The following COL25A1 variants were observed in gnomAD, a reference collection of about 807,000 sequenced individuals.
COL25A1 encodes collagen type XXV alpha 1 chain, also known as collagen alpha-1(XXV) chain.
In COL25A1, 103 loss-of-function variants were observed where a neutral mutation model predicts 128.4. The ratio of observed to expected loss-of-function variants is 0.80; its 90% CI spans 0.68 to 0.94. The LOEUF is 0.94. Ranked by LOEUF, COL25A1 falls within the 40% of genes least tolerant of loss-of-function variation. The probability of loss-of-function intolerance (pLI) is 0.00; values close to 1 mark genes in which losing one functional copy is unlikely to be tolerated. For missense variants in COL25A1, 745 were observed against 840.0 expected (o/e 0.89, Z 1.40); for synonymous variants, 279 against 277.2 (o/e 1.01, Z -0.06).
At chr4:109,224,367 A>T (rs1778635393) in intron 3 of COL25A1, among the ~76,000 whole-genome samples, 1 of 152,324 alleles carries the variant, frequency 6.6e-6, no homozygotes. Flanking sequence ...GAGGTCCTTT[A>T]AGTGACTGCA....
At position 109,302,370 on chromosome 4, in the gene COL25A1, G is replaced by T. The variant is rs564587175; in HGVS notation, c.-258C>A. 1.3e-5 allele frequency: 3 copies of T among 239,546 alleles called. No homozygotes were observed. The Admixed American group carries it at 1.6e-4, about 13-fold the overall frequency. The allele number at this position is 239,546 out of a possible 1,614,324, so 14.8% of individuals were successfully genotyped here. A position where few individuals can be genotyped will look rare whatever the true frequency, so the allele number is the denominator to read the frequency against. ...GAGGGCCCCAACAGTGGCCGCTCAG[G>T]GTCCGAGGGCAACGGCCGAGGCGCC... On this transcript the variant is annotated 5_prime_UTR_variant, in exon 1 of 38. Coordinates refer to ENST00000399132, the MANE Select transcript of COL25A1 (RefSeq NM_198721.4).
intron 3 of COL25A1, among the ~76,000 whole-genome samples, chr4:109,288,962 T>TACACAC (rs3079876): frequency 1.2e-3 from 160 of 133,584 alleles, no homozygotes; most frequent in Admixed American, 2.0e-3. Context: ...AAATTATATA[T>TACACAC]ACACACACAC....
At chr4:109,144,756 G>A (rs1374955288) in intron 3 of COL25A1, among the ~76,000 whole-genome samples, 1 of 152,202 alleles carries the variant, frequency 6.6e-6, no homozygotes, top group Non-Finnish European at 1.5e-5. Flanking sequence ...AGACACAATT[G>A]TGTAAGTATT....
At chr4:109,004,371 CAT>C (rs1461692811) in intron 6 of COL25A1, among the ~76,000 whole-genome samples, 3 of 150,912 alleles carry the variant, frequency 2.0e-5, no homozygotes, top group Middle Eastern at 3.4e-3. Context: ...TACAAAATAA[CAT>C]GTGATATAGA....
chr4:109,009,196 T>C (rs1452928609), intron 6 of COL25A1, among the ~76,000 whole-genome samples: 1 of 152,224 alleles, frequency 6.6e-6, no homozygotes, highest in Non-Finnish European at 1.5e-5. Context: ...CTTCATTCCA[T>C]TGTAATATGG....
chr4:108,914,254 A>G (rs1744602653), intron 13 of COL25A1, among the ~76,000 whole-genome samples: 1 of 152,216 alleles, frequency 6.6e-6, no homozygotes, highest in South Asian at 2.1e-4. Flanking sequence ...TCTCTGAGAA[A>G]CTTAGAGATA....
chr4:109,217,583 G>C (rs1339418794), intron 3 of COL25A1, among the ~76,000 whole-genome samples: 2 of 149,238 alleles, frequency 1.3e-5, no homozygotes, highest in Non-Finnish European at 3.0e-5. Flanking sequence ...CTTGGTTACA[G>C]GTAGGCGCTG....
intron 6 of COL25A1, among the ~76,000 whole-genome samples, chr4:109,008,866 A>G (rs1756305825): frequency 6.6e-6 from 1 of 152,196 alleles, no homozygotes; most frequent in African/African-American, 2.4e-5. Context: ...CTGTAATCCC[A>G]GCATTTTGGG....
rs150678057 is a variant in COL25A1, at chr4:109,072,669, T to C, written c.368-22490A>G. Among the ~76,000 whole-genome samples the C allele has an allele frequency of 4.3e-3, 653 of 152,306 alleles. 15 individuals carry two copies. The highest frequency in any genetic ancestry group is 1.2e-3 in the Non-Finnish European group (79 of 68,040). ...ACCCACATTCTTAGCTTGCAGAACC[T>C]TCTGCAAGTTTTCTGTTTTCTTTCT... is the stretch of plus-strand genomic sequence containing the variant. On this transcript the variant is annotated intron_variant, in intron 3 of 37. Transcript: ENST00000399132.
chr4:109,044,297 C>A (rs1760212208), intron 5 of COL25A1, among the ~76,000 whole-genome samples: 3 of 151,982 alleles, frequency 2.0e-5, no homozygotes, highest in African/African-American at 4.8e-5. Flanking sequence ...GTTATATATC[C>A]ACACATAATT....
At chr4:109,024,893 A>C (rs938977333) in intron 5 of COL25A1, among the ~76,000 whole-genome samples, 1 of 152,310 alleles carries the variant, frequency 6.6e-6, no homozygotes, top group African/African-American at 2.4e-5. Flanking sequence ...TGTATGCCAC[A>C]TATCACTTTT....
rs115570707 is a variant in COL25A1, at chr4:109,137,064, C to A, written c.368-86885G>T. Among the ~76,000 whole-genome samples, 174 of 152,270 alleles carry A rather than the reference C, an allele frequency of 1.1e-3. 1 individual carries two copies. Among genetic ancestry groups the A allele is most frequent in the African/African-American group, 3.6e-3 (150 of 41,560 alleles). On this transcript the variant is annotated intron_variant, in intron 3 of 37. Coordinates refer to ENST00000399132, the MANE Select transcript of COL25A1 (RefSeq NM_198721.4). ...GAACACCCATTCCTAGACACCTGAC[C>A]CACAGAAACTGTGAGGTAATAAATG...
intron 32 of COL25A1, among the ~76,000 whole-genome samples, chr4:108,827,677 C>T (rs1732550698): frequency 6.6e-6 from 1 of 152,066 alleles, no homozygotes; most frequent in African/African-American, 2.4e-5. Context: ...CAGGCAAGCA[C>T]CACTATGCCC....
At chr4:109,219,672 T>C (rs889338432) in intron 3 of COL25A1, among the ~76,000 whole-genome samples, 1 of 152,196 alleles carries the variant, frequency 6.6e-6, no homozygotes, top group Non-Finnish European at 1.5e-5. Context: ...AACAGGAAAT[T>C]ATACATCCTA....
intron 8 of COL25A1, among the ~76,000 whole-genome samples, chr4:108,962,799 T>C (rs1750875818): frequency 6.6e-6 from 1 of 152,156 alleles, no homozygotes; most frequent in Admixed American, 6.5e-5. Context: ...TAGTGATCAA[T>C]AAAGGTTTCT....
Position 108,819,329 on chromosome 4 carries a change from CCT to C in COL25A1, c.1846-2_1846-1del. On this transcript the variant is annotated splice_acceptor_variant, in intron 35 of 37. Coordinates refer to ENST00000399132, the MANE Select transcript of COL25A1 (RefSeq NM_198721.4). LOFTEE classifies it high-confidence loss of function. ...TTTTCCCCCTTAACGCCACGGAATC[CCT>C]GTTTGTAAAGATTAACTCATAATGT... 1 of 1,611,708 alleles carries C rather than the reference CCT, an allele frequency of 6.2e-7. No individual in the cohort carries two copies. The highest frequency in any genetic ancestry group is 8.5e-7 in the Non-Finnish European group (1 of 1,178,954).
intron 3 of COL25A1, among the ~76,000 whole-genome samples, chr4:109,053,168 T>C (rs889865308): frequency 5.3e-5 from 8 of 152,108 alleles, no homozygotes; most frequent in African/African-American, 1.4e-4. Flanking sequence ...ACCAGATTGC[T>C]CTTCAGGATT....
At chr4:109,011,052 A>T (rs1756533189) in intron 5 of COL25A1, among the ~76,000 whole-genome samples, 1 of 152,176 alleles carries the variant, frequency 6.6e-6, no homozygotes, top group South Asian at 2.1e-4. Flanking sequence ...ATTTAAGCTG[A>T]TCAAAAATTT....
intron 3 of COL25A1, among the ~76,000 whole-genome samples, chr4:109,128,387 C>A (rs1394219896): frequency 6.6e-6 from 1 of 152,156 alleles, no homozygotes; most frequent in African/African-American, 2.4e-5. Context: ...TTAGACAAAG[C>A]TTTGCTTCCC....
Sources: allele counts gnomAD v4.1 joint callset (sites outside exome capture counted in the v4.1 genomes callset), GRCh38; gene constraint gnomAD v4.1.1; transcripts MANE v1.5; gene names NCBI Gene and HGNC (gene_info 2026-07-23, HGNC 2026-07-21).